EDN3: variants seen among roughly 807,000 people sequenced by gnomAD.
EDN3 encodes endothelin 3.
EDN3 carries 9 observed loss-of-function variants against 21.4 expected under a neutral mutation model. The ratio of observed to expected loss-of-function variants is 0.42; its 90% CI spans 0.25 to 0.73. The LOEUF (loss-of-function observed/expected upper bound fraction) is 0.73, where lower values mean the gene tolerates loss of function less well. Ranked by LOEUF, EDN3 falls within the 30% of genes least tolerant of loss-of-function variation. The pLI is 0.26. For missense variants in EDN3, 327 were observed against 309.4 expected (o/e 1.06, Z -0.43); for synonymous variants, 133 against 126.2 (o/e 1.05, Z -0.36).
At chr20:59,320,646 C>T (rs757751769) in intron 2 of EDN3, among the ~76,000 whole-genome samples, 3 of 152,232 alleles carry the variant, frequency 2.0e-5, no homozygotes, top group African/African-American at 4.8e-5. Flanking sequence ...GTTCACAGAT[C>T]GCAGAGCCCC....
chr20:59,324,431 G>A lies in EDN3; in HGVS notation c.689G>A (p.Arg230His), dbSNP rs144250756. The A allele has an allele frequency of 8.3e-5, 134 of 1,613,864 alleles. No homozygotes were observed. The highest frequency in any genetic ancestry group is 8.0e-4 in the African/African-American group (60 of 74,910). Residue 230 changes from arginine to histidine, a missense_variant, in exon 5 of 5, where the codon CGC (arginine) becomes CAC (histidine). By Grantham distance (29) the Arg-to-His change is conservative. Transcript: ENST00000337938. ...GCCCTCGCTCCATCTACCTGCCCCC[G>A]CTGCCTCTTTCAGGAAGGAGCCCCT... ...GLALAPSTCP[R>H]CLFQEGAP
At chr20:59,301,373 C>T in intron 1 of EDN3, 37 bp from the exon 2 acceptor site, 7 of 1,599,560 alleles carry the variant, frequency 4.4e-6, no homozygotes, top group South Asian at 1.1e-5. Context: ...GGGGTCTGCA[C>T]ACTCAGCTTA....
rs768529772 is a variant in EDN3, at chr20:59,322,417, G to A, written c.588G>A (p.Lys196=). The A allele has an allele frequency of 7.4e-6, 12 of 1,614,100 alleles. No individual in the cohort carries two copies. The African/African-American group carries it at 9.3e-5, about 13-fold the overall frequency. The part of the protein sequence containing the change: ...AEKTDKEEEG[K]VEVKDQQSKQ... ...AAACAGACAAAGAAGAGGAAGGGAA[G>A]GTGAGAGGTGCCAACAGAGGCCTGT... Residue 196 remains lysine, a splice_region_variant and synonymous_variant, in exon 4 of 5, where the codon AAG becomes AAA. Transcript: ENST00000337938. The surrounding 1 kb of genome is among the most constrained non-coding windows in gnomAD (Gnocchi z 4.1).
At chr20:59,317,757 T>C (rs1438449974) in intron 2 of EDN3, among the ~76,000 whole-genome samples, 2 of 152,184 alleles carry the variant, frequency 1.3e-5, no homozygotes, top group Non-Finnish European at 2.9e-5. Context: ...ATTTTTGTGG[T>C]TATTGAACTC....
chr20:59,304,877 G>A (rs1455606733), intron 2 of EDN3, among the ~76,000 whole-genome samples: 1 of 152,100 alleles, frequency 6.6e-6, no homozygotes, highest in African/African-American at 2.4e-5. Flanking sequence ...ACCCAGCATG[G>A]CATGGATGCT....
chr20:59,319,147 C>T (rs3026582), intron 2 of EDN3, among the ~76,000 whole-genome samples: 3,125 of 152,198 alleles, frequency 0.021, 39 homozygotes, highest in Non-Finnish European at 0.024. Context: ...GGCTCATCAG[C>T]GGGGCCTGTC....
chr20:59,300,913 G>C (rs1198623831), intron 1 of EDN3, 49 bp downstream of exon 1: 1 of 1,598,530 alleles, frequency 6.3e-7, no homozygotes, highest in Admixed American at 1.7e-5. Context: ...GCACACAAAA[G>C]GACCCAGGGC....
chr20:59,323,145 T>C (rs1990649605), intron 4 of EDN3, among the ~76,000 whole-genome samples: 1 of 152,148 alleles, frequency 6.6e-6, no homozygotes, highest in African/African-American at 2.4e-5. Flanking sequence ...CCATGCTCAG[T>C]ATACAGGAGC....
chr20:59,322,517 G>C lies in EDN3; in HGVS notation c.588+100G>C. 4 of 1,498,340 alleles carry C rather than the reference G, an allele frequency of 2.7e-6. No individual in the cohort carries two copies. The Admixed American group carries it at 7.0e-5, about 26-fold the overall frequency. 92.8% of individuals were successfully genotyped at this position (1,498,340 alleles called of 1,614,324 possible). On this transcript the variant is annotated intron_variant, in intron 4 of 4. Coordinates refer to ENST00000337938, the MANE Select transcript of EDN3 (RefSeq NM_207034.3). The surrounding 1 kb of genome is among the most constrained non-coding windows in gnomAD (Gnocchi z 4.1). ...GGGTGTTTTGAGGGGATGGCATCTGGTCTGGTCCAGTGGGAACCCCAGATC... is the reference window on the plus strand; with the variant it reads ...GGGTGTTTTGAGGGGATGGCATCTGCTCTGGTCCAGTGGGAACCCCAGATC...
chr20:59,317,892 A>C (rs1280750375), intron 2 of EDN3, among the ~76,000 whole-genome samples: 1 of 152,132 alleles, frequency 6.6e-6, no homozygotes, highest in Non-Finnish European at 1.5e-5. Context: ...AAAGAAGTAA[A>C]AGACCTGCCC....
intron 2 of EDN3, among the ~76,000 whole-genome samples, chr20:59,306,899 C>T (rs1989471349): frequency 6.6e-6 from 1 of 152,122 alleles, no homozygotes; most frequent in African/African-American, 2.4e-5. Context: ...AAACCCAACA[C>T]TTTGGGAGGC....
chr20:59,310,643 G>T (rs1472465524), intron 2 of EDN3, among the ~76,000 whole-genome samples: 1 of 152,158 alleles, frequency 6.6e-6, no homozygotes, highest in Non-Finnish European at 1.5e-5. Flanking sequence ...GGCAGACTTG[G>T]TGGGAGCTCT....
intron 2 of EDN3, among the ~76,000 whole-genome samples, chr20:59,306,264 G>C (rs1017595632): frequency 6.6e-6 from 1 of 152,206 alleles, no homozygotes; most frequent in Admixed American, 6.5e-5. Flanking sequence ...TGGGAATCAT[G>C]ATCATGGTGG....
At chr20:59,315,151 G>C (rs1990094838) in intron 2 of EDN3, among the ~76,000 whole-genome samples, 1 of 152,224 alleles carries the variant, frequency 6.6e-6, no homozygotes, top group South Asian at 2.1e-4. Flanking sequence ...GAGTTGATGA[G>C]TGGTGCCTTC....
chr20:59,315,597 A>G (rs770568371), intron 2 of EDN3, among the ~76,000 whole-genome samples: 8 of 152,236 alleles, frequency 5.3e-5, no homozygotes, highest in East Asian at 1.9e-4. Flanking sequence ...GGAAAATAGT[A>G]TCAGGTACTC....
At chr20:59,317,371 C>T (rs1160710526) in intron 2 of EDN3, among the ~76,000 whole-genome samples, 1 of 152,172 alleles carries the variant, frequency 6.6e-6, no homozygotes. Context: ...TTTTCTGATA[C>T]AACTCACTTG....
intron 2 of EDN3, among the ~76,000 whole-genome samples, chr20:59,314,324 G>A (rs962025761): frequency 1.3e-5 from 2 of 152,186 alleles, no homozygotes; most frequent in African/African-American, 4.8e-5. Context: ...AAGAGTCTGT[G>A]GTTGCCATCT....
chr20:59,306,714 A>AG (rs1309180859), intron 2 of EDN3, among the ~76,000 whole-genome samples: 208 of 152,190 alleles, frequency 1.4e-3, no homozygotes, highest in African/African-American at 4.9e-3. Context: ...TTCTTCAAGA[A>AG]AGGCATCTTG....
At chr20:59,320,282 C>T (rs536079249) in intron 2 of EDN3, among the ~76,000 whole-genome samples, 3 of 152,332 alleles carry the variant, frequency 2.0e-5, no homozygotes, top group Admixed American at 6.5e-5. Context: ...TTTCAAAGGC[C>T]GGGATGCATC....
Sources: allele counts gnomAD v4.1 joint callset (sites outside exome capture counted in the v4.1 genomes callset), GRCh38; gene constraint gnomAD v4.1.1; non-coding constraint Gnocchi (gnomAD v3.1); transcripts MANE v1.5; gene names NCBI Gene and HGNC (gene_info 2026-07-23, HGNC 2026-07-21).